Variants in CSMD1 observed in about 807,000 individuals in gnomAD.
CSMD1 encodes the protein CUB and Sushi multiple domains 1.
In CSMD1, 213 loss-of-function variants were observed where a neutral mutation model predicts 417.5. That is an observed-to-expected ratio of 0.51 (90% CI 0.46 to 0.57). The LOEUF (loss-of-function observed/expected upper bound fraction) is 0.57, where lower values mean the gene tolerates loss of function less well. Ranked by LOEUF, CSMD1 falls within the 20% of genes least tolerant of loss-of-function variation. The pLI is 0.00. For missense variants in CSMD1, 6,923 were observed against 4,529.7 expected (o/e 1.53, Z -15.17); for synonymous variants, 2,862 against 1,736.8 (o/e 1.65, Z -16.11).
chr8:4,172,888 T>C (rs935460149), intron 3 of CSMD1, among the ~76,000 whole-genome samples: 4 of 152,098 alleles, frequency 2.6e-5, no homozygotes, highest in Non-Finnish European at 5.9e-5. Flanking sequence ...GCCCAGCCCA[T>C]TCCAGGAGTT....
At chr8:4,460,236 A>T (rs142885049) in intron 2 of CSMD1, among the ~76,000 whole-genome samples, 1 of 152,180 alleles carries the variant, frequency 6.6e-6, no homozygotes, top group Non-Finnish European at 1.5e-5. Context: ...AAATTTCTAA[A>T]AACCCAAAGG....
intron 52 of CSMD1, among the ~76,000 whole-genome samples, chr8:3,009,649 GT>G (rs1275941342): frequency 6.6e-6 from 1 of 151,944 alleles, no homozygotes; most frequent in Non-Finnish European, 1.5e-5. Context: ...ACTGAGGTGT[GT>G]TTTTTTTGCC....
intron 46 of CSMD1, among the ~76,000 whole-genome samples, chr8:3,099,443 C>A (rs1317418329): frequency 2.6e-5 from 4 of 152,112 alleles, no homozygotes; most frequent in African/African-American, 9.7e-5. Context: ...ATTCACCTGA[C>A]TTTGGGTCTA....
intron 23 of CSMD1, among the ~76,000 whole-genome samples, chr8:3,316,535 G>GTA (rs140788524): frequency 6.6e-6 from 1 of 151,770 alleles, no homozygotes; most frequent in African/African-American, 2.4e-5. Flanking sequence ...GAGCCTTGCG[G>GTA]GAGAGGGTTT....
chr8:4,186,981 C>CA (rs969914147), intron 3 of CSMD1, among the ~76,000 whole-genome samples: 2 of 151,926 alleles, frequency 1.3e-5, no homozygotes, highest in Admixed American at 6.6e-5. Context: ...GATTCTGTCT[C>CA]AAAAAAATAT....
chr8:3,614,691 G>T (rs924386043), intron 8 of CSMD1, among the ~76,000 whole-genome samples: 1 of 152,124 alleles, frequency 6.6e-6, no homozygotes, highest in African/African-American at 2.4e-5. Context: ...TAGGTTTCTG[G>T]GATGACAGGA....
At chr8:4,819,871 G>A (rs1212059365) in intron 1 of CSMD1, among the ~76,000 whole-genome samples, 6 of 151,880 alleles carry the variant, frequency 4.0e-5, no homozygotes, top group Admixed American at 3.9e-4. Context: ...TTCTCTAAGG[G>A]AAGAACTATC....
intron 6 of CSMD1, among the ~76,000 whole-genome samples, chr8:3,752,078 G>A (rs921231111): frequency 1.3e-5 from 2 of 152,030 alleles, no homozygotes; most frequent in Non-Finnish European, 2.9e-5. Context: ...AACCCACCCA[G>A]CCTGGGTGTG....
At chr8:3,476,389 C>T (rs914529902) in intron 11 of CSMD1, among the ~76,000 whole-genome samples, 1 of 152,002 alleles carries the variant, frequency 6.6e-6, no homozygotes, top group East Asian at 1.9e-4. Context: ...TCTATTTTGG[C>T]AATTATGAAT....
intron 1 of CSMD1, among the ~76,000 whole-genome samples, chr8:4,941,041 C>T (rs928639308): frequency 6.6e-6 from 1 of 152,082 alleles, no homozygotes; most frequent in African/African-American, 2.4e-5. Context: ...CTTTTCATTT[C>T]TGTTATTATT....
chr8:3,724,353 T>C (rs908463968), intron 6 of CSMD1, among the ~76,000 whole-genome samples: 4 of 152,196 alleles, frequency 2.6e-5, no homozygotes, highest in Admixed American at 6.5e-5. Flanking sequence ...GGTTTTTGTT[T>C]GGTCAAATAT....
intron 3 of CSMD1, among the ~76,000 whole-genome samples, chr8:4,362,687 G>C (rs1416962299): frequency 6.6e-6 from 1 of 152,156 alleles, no homozygotes; most frequent in East Asian, 1.9e-4. Flanking sequence ...GAAATTATGG[G>C]ATGACTGATA....
intron 3 of CSMD1, among the ~76,000 whole-genome samples, chr8:4,165,665 A>G (rs1797416187): frequency 6.6e-6 from 1 of 152,194 alleles, no homozygotes; most frequent in African/African-American, 2.4e-5. Context: ...GGCCTCCCAA[A>G]GTGCCGGAAT....
Position 4,189,923 on chromosome 8 carries a change from A to ATT in CSMD1, c.416-157826_416-157825dup, listed in dbSNP as rs147010795. 3.1e-3 allele frequency among the ~76,000 whole-genome samples: 463 copies of ATT among 150,042 alleles called. 2 individuals carry two copies. Among genetic ancestry groups the ATT allele is most frequent in the African/African-American group, 9.9e-3 (404 of 40,984 alleles). On this transcript the variant is annotated intron_variant, in intron 3 of 69. Transcript: ENST00000635120. Reference sequence around the variant, plus strand: ...ATTGAAAATCTGTACTCTTTTGCATATTTTTTTTTTCTAAAAAGCAGAGAG... The same window carrying ATT: ...ATTGAAAATCTGTACTCTTTTGCATATTTTTTTTTTTTCTAAAAAGCAGAGAG...
chr8:3,297,409 G>T (rs752670717), intron 25 of CSMD1, among the ~76,000 whole-genome samples: 1 of 151,970 alleles, frequency 6.6e-6, no homozygotes, highest in Non-Finnish European at 1.5e-5. Flanking sequence ...TATGATACTG[G>T]GTATCAAGAT....
chr8:2,942,010 T>C (rs1484171553), intron 69 of CSMD1, among the ~76,000 whole-genome samples: 2 of 152,224 alleles, frequency 1.3e-5, no homozygotes, highest in African/African-American at 4.8e-5. Flanking sequence ...CTTAGATGTA[T>C]TCTGCTTAAA....
At chr8:3,961,390 A>T (rs1773291051) in intron 5 of CSMD1, among the ~76,000 whole-genome samples, 1 of 152,228 alleles carries the variant, frequency 6.6e-6, no homozygotes, top group Non-Finnish European at 1.5e-5. Context: ...ACTCCACTGT[A>T]CACAGTTTCA....
chr8:4,256,880 A>G (rs917903643), intron 3 of CSMD1, among the ~76,000 whole-genome samples: 12 of 152,204 alleles, frequency 7.9e-5, no homozygotes, highest in African/African-American at 2.7e-4. Flanking sequence ...GAGAATCGCT[A>G]CTGGACGATG....
intron 37 of CSMD1, among the ~76,000 whole-genome samples, chr8:3,180,870 C>A (rs1158107905): frequency 2.0e-5 from 3 of 151,982 alleles, no homozygotes; most frequent in Non-Finnish European, 4.4e-5. Flanking sequence ...TCTTGAACAC[C>A]TGATGTCTGG....
Sources: gnomAD v4.1 joint callset for allele counts (sites outside exome capture counted in the v4.1 genomes callset) on GRCh38, gnomAD v4.1.1 for gene constraint, MANE v1.5 for transcripts, NCBI Gene and HGNC (gene_info 2026-07-23, HGNC 2026-07-21) for gene names.